The following TSHZ2 variants were observed in gnomAD, a reference collection of about 807,000 sequenced individuals.
TSHZ2 encodes the protein teashirt homolog 2.
A neutral mutation model predicts 74.4 loss-of-function variants in TSHZ2; 21 were observed. The ratio of observed to expected loss-of-function variants is 0.28; its 90% CI spans 0.20 to 0.41. The LOEUF (loss-of-function observed/expected upper bound fraction) is 0.41. TSHZ2 is among the 10% of genes least tolerant of loss of function. The pLI is 1.00. For missense variants in TSHZ2, 1,244 were observed against 1,293.5 expected (o/e 0.96, Z 0.59); for synonymous variants, 540 against 515.3 (o/e 1.05, Z -0.65).
chr20:53,033,651 C>T (rs1332970455), intron 1 of TSHZ2, among the ~76,000 whole-genome samples: 29 of 58,992 alleles, frequency 4.9e-4, no homozygotes, highest in Admixed American at 6.4e-4. Flanking sequence ...TGATAAAAAG[C>T]TTTTTTTTTT....
intron 2 of TSHZ2, among the ~76,000 whole-genome samples, chr20:53,308,453 T>C (rs73152712): frequency 0.046 from 7,032 of 152,180 alleles, 250 homozygotes; most frequent in African/African-American, 0.095. Flanking sequence ...GATGTGTATG[T>C]ATGTACACGT....
At chr20:53,390,989 G>A (rs181243162) in intron 2 of TSHZ2, among the ~76,000 whole-genome samples, 2 of 152,336 alleles carry the variant, frequency 1.3e-5, no homozygotes, top group Admixed American at 1.3e-4. Flanking sequence ...AGCAGCCATA[G>A]ATAATATATA....
At position 53,254,079 on chromosome 20, in the gene TSHZ2, T is replaced by G; in HGVS notation, c.621T>G (p.Thr207=). The change falls in exon 2 of 3, where the codon ACT becomes ACG. Residue 207 remains threonine, a synonymous_variant. Coordinates refer to ENST00000371497, the MANE Select transcript of TSHZ2 (RefSeq NM_173485.6). The part of the protein sequence containing the change: ...LYRQSSKMCG[T]VFTGASRFRC... ...GACAGAGCAGCAAGATGTGCGGGAC[T>G]GTGTTCACAGGGGCCAGCAGATTCC... 2 of 1,614,112 alleles carry G rather than the reference T, an allele frequency of 1.2e-6. No individual in the cohort carries two copies. The highest frequency in any genetic ancestry group is 1.7e-6 in the Non-Finnish European group (2 of 1,180,028).
chr20:53,034,920 A>G (rs1983763844), intron 1 of TSHZ2, among the ~76,000 whole-genome samples: 1 of 152,196 alleles, frequency 6.6e-6, no homozygotes, highest in African/African-American at 2.4e-5. Flanking sequence ...GCAGAGTCTC[A>G]CTTCCTTTTC....
At chr20:53,200,823 T>C (rs1988987410) in intron 1 of TSHZ2, among the ~76,000 whole-genome samples, 1 of 152,190 alleles carries the variant, frequency 6.6e-6, no homozygotes, top group Admixed American at 6.5e-5. Flanking sequence ...TGGAAGTACA[T>C]ACTAAAATAT....
intron 2 of TSHZ2, among the ~76,000 whole-genome samples, chr20:53,423,082 T>G (rs1049234609): frequency 2.6e-5 from 4 of 152,156 alleles, no homozygotes; most frequent in African/African-American, 9.7e-5. Flanking sequence ...ACCCAACACC[T>G]ACACTGTCTC....
rs559677215 is a variant in TSHZ2 at position 53,126,823 on chromosome 20, G to A, written c.41-126676G>A. Among the ~76,000 whole-genome samples the A allele has an allele frequency of 8.1e-5, 12 of 149,062 alleles. No homozygotes were observed. The East Asian group carries it at 1.8e-3, about 22-fold the overall frequency. On this transcript the variant is annotated intron_variant, in intron 1 of 2. Transcript: ENST00000371497. Reference sequence around the variant, plus strand: ...CCCGAGGATCTGAACAAGGCTTTCCGGATCCACACTGTTGTAGATAGTGGA... The same window carrying A: ...CCCGAGGATCTGAACAAGGCTTTCCAGATCCACACTGTTGTAGATAGTGGA...
In TSHZ2 at chr20:53,253,748, G is replaced by C; in HGVS notation, c.290G>C (p.Ser97Thr). The C allele has an allele frequency of 6.2e-7, 1 of 1,614,222 alleles. No individual in the cohort carries two copies. ...AGTGATCAGGTGTCGGACATCAAGA[G>C]TGTCTGCGGCAGAGATGCCTCAGAC... The part of the protein sequence containing the change: ...DASDQVSDIK[S>T]VCGRDASDKK... Residue 97 changes from serine to threonine, a missense_variant, in exon 2 of 3, where the codon AGT becomes ACT. Coordinates refer to ENST00000371497, the MANE Select transcript of TSHZ2 (RefSeq NM_173485.6).
intron 2 of TSHZ2, among the ~76,000 whole-genome samples, chr20:53,307,827 G>A (rs1035836192): frequency 3.9e-5 from 6 of 152,042 alleles, no homozygotes; most frequent in African/African-American, 7.2e-5. Context: ...TGATCTGGGC[G>A]GCTCTAAACC....
At chr20:53,402,744 G>A (rs1600611255) in intron 2 of TSHZ2, among the ~76,000 whole-genome samples, 2 of 152,278 alleles carry the variant, frequency 1.3e-5, no homozygotes. Context: ...GGATGCTTGT[G>A]TGCAGAGTCC....
intron 2 of TSHZ2, among the ~76,000 whole-genome samples, chr20:53,281,715 G>A (rs1054492142): frequency 1.3e-5 from 2 of 152,172 alleles, no homozygotes; most frequent in African/African-American, 4.8e-5. Context: ...CTCCCAGGAA[G>A]AACCAGTAAG....
intron 1 of TSHZ2, among the ~76,000 whole-genome samples, chr20:53,075,170 G>C (rs1985328080): frequency 6.6e-6 from 1 of 152,176 alleles, no homozygotes; most frequent in South Asian, 2.1e-4. Context: ...AAAGGGCCCT[G>C]GGCTGTTATA....
intron 2 of TSHZ2, among the ~76,000 whole-genome samples, chr20:53,462,691 T>TG (rs1311998839): frequency 6.6e-6 from 1 of 152,208 alleles, no homozygotes; most frequent in East Asian, 1.9e-4. Context: ...ACAGCTGATT[T>TG]GGGGGTGGAG....
intron 1 of TSHZ2, among the ~76,000 whole-genome samples, chr20:52,996,553 AAG>A (rs1313166671): frequency 5.3e-5 from 8 of 152,152 alleles, no homozygotes; most frequent in East Asian, 1.9e-4. Flanking sequence ...GTTGTTGAGA[AAG>A]AGTTTGTCTG....
intron 1 of TSHZ2, among the ~76,000 whole-genome samples, chr20:53,160,744 C>CAAAAA (rs1762991150): frequency 1.4e-5 from 1 of 69,096 alleles, no homozygotes; most frequent in African/African-American, 9.5e-5. Flanking sequence ...GACTCTGTCT[C>CAAAAA]CAAAAAAAAA....
chr20:53,239,390 A>G (rs1990015058), intron 1 of TSHZ2, among the ~76,000 whole-genome samples: 2 of 152,190 alleles, frequency 1.3e-5, no homozygotes, highest in Admixed American at 1.3e-4. Flanking sequence ...TTATGTAGTC[A>G]CAGGATACAA....
intron 2 of TSHZ2, among the ~76,000 whole-genome samples, chr20:53,441,150 A>G (rs554426182): frequency 1.3e-5 from 2 of 152,208 alleles, no homozygotes; most frequent in Admixed American, 6.5e-5. Flanking sequence ...AAGTTGTTCT[A>G]TCTCAGCCAT....
At chr20:53,241,696 C>G (rs879361180) in intron 1 of TSHZ2, among the ~76,000 whole-genome samples, 2 of 152,032 alleles carry the variant, frequency 1.3e-5, no homozygotes, top group Non-Finnish European at 2.9e-5. Flanking sequence ...TGATTTTTAC[C>G]AGGCATTCTG....
In TSHZ2 at chr20:53,403,050, C is replaced by T. The variant is rs559903694; in HGVS notation, c.*9-84094C>T. On this transcript the variant is annotated intron_variant, in intron 2 of 2. Transcript: ENST00000371497. Reference sequence around the variant, plus strand: ...ACCCAACAGGTAGTTTGTCAACCCACGCTCCCTTCCCTCCCGCTCTCCAGT... The same window carrying T: ...ACCCAACAGGTAGTTTGTCAACCCATGCTCCCTTCCCTCCCGCTCTCCAGT... Among the ~76,000 whole-genome samples, 15 of 152,288 alleles carry T rather than the reference C, an allele frequency of 9.8e-5. No individual in the cohort carries two copies. In the East Asian group the frequency reaches 1.2e-3, roughly 12 times the overall value.
Sources: allele counts gnomAD v4.1 joint callset (sites outside exome capture counted in the v4.1 genomes callset), GRCh38; gene constraint gnomAD v4.1.1; transcripts MANE v1.5; gene names NCBI Gene and HGNC (gene_info 2026-07-23, HGNC 2026-07-21).